Variants in KCNMB2 observed in about 807,000 individuals in gnomAD.
KCNMB2 encodes the protein potassium calcium-activated channel subfamily M regulatory beta subunit 2, also known as calcium-activated potassium channel subunit beta-2.
In KCNMB2, 9 loss-of-function variants were observed where a neutral mutation model predicts 24.5. That is an observed-to-expected ratio of 0.37 (90% CI 0.22 to 0.64). The LOEUF is 0.64. Ranked by LOEUF, KCNMB2 falls within the 30% of genes least tolerant of loss-of-function variation. The pLI is 0.63. For synonymous variants in KCNMB2, 109 were observed against 104.4 expected (o/e 1.04, Z -0.27); for missense variants, 226 against 284.3 (o/e 0.79, Z 1.47).
At chr3:178,774,937 T>C (rs1346992924) in intron 1 of KCNMB2, among the ~76,000 whole-genome samples, 1 of 152,222 alleles carries the variant, frequency 6.6e-6, no homozygotes, top group Non-Finnish European at 1.5e-5. Context: ...TAGAAGCTCT[T>C]CTGTGAGGTT....
At chr3:178,573,382 G>A (rs1716875392) in intron 1 of KCNMB2, among the ~76,000 whole-genome samples, 1 of 152,078 alleles carries the variant, frequency 6.6e-6, no homozygotes, top group South Asian at 2.1e-4. Flanking sequence ...ATTAATAAGT[G>A]CAACCAGAGT....
intron 1 of KCNMB2, among the ~76,000 whole-genome samples, chr3:178,674,814 C>T (rs1027859378): frequency 6.6e-6 from 1 of 152,212 alleles, no homozygotes; most frequent in Non-Finnish European, 1.5e-5. Context: ...TCTCCCCTTG[C>T]TTGGCCCAGT....
intron 1 of KCNMB2, among the ~76,000 whole-genome samples, chr3:178,653,272 TA>T (rs1451124747): frequency 6.6e-6 from 1 of 152,162 alleles, no homozygotes; most frequent in Non-Finnish European, 1.5e-5. Flanking sequence ...TTTGCTAATA[TA>T]AAAATACTAA....
At chr3:178,673,867 A>C (rs1010836779) in intron 1 of KCNMB2, among the ~76,000 whole-genome samples, 3 of 152,030 alleles carry the variant, frequency 2.0e-5, no homozygotes, top group Non-Finnish European at 4.4e-5. Flanking sequence ...CTACACTCTC[A>C]CCAATTCTTT....
intron 1 of KCNMB2, among the ~76,000 whole-genome samples, chr3:178,635,582 A>G (rs1299177549): frequency 6.6e-6 from 1 of 152,234 alleles, no homozygotes; most frequent in Non-Finnish European, 1.5e-5. Context: ...GTCATTTGGC[A>G]TCTTGCCACA....
chr3:178,759,042 GATATATATATATAT>G (rs1175571508), intron 1 of KCNMB2, among the ~76,000 whole-genome samples: 2 of 298 alleles, frequency 6.7e-3, no homozygotes, highest in African/African-American at 0.028. Flanking sequence ...CTCCAAGAGG[GATATATATATATAT>G]ATATATATAT....
In KCNMB2 at chr3:178,652,914, C is replaced by T. The variant is rs138543959; in HGVS notation, c.-68+116203C>T. ...CTGACCCCAGGTGATCCACCTGCCT[C>T]GGCCTCCCAAAGTGCTGAGATTACA... On this transcript the variant is annotated intron_variant, in intron 1 of 4. Transcript: ENST00000452583. Among the ~76,000 whole-genome samples, 114 of 152,176 alleles carry T rather than the reference C, an allele frequency of 7.5e-4. 2 individuals are homozygous for T. In the East Asian group the frequency reaches 0.016, roughly 21 times the overall value.
intron 1 of KCNMB2, among the ~76,000 whole-genome samples, chr3:178,766,356 GTTATTTTT>G (rs942284876): frequency 6.6e-6 from 1 of 152,014 alleles, no homozygotes; most frequent in African/African-American, 2.4e-5. Context: ...ACTACACCTG[GTTATTTTT>G]TTATTTTTTT....
intron 1 of KCNMB2, among the ~76,000 whole-genome samples, chr3:178,796,619 A>T (rs1713553910): frequency 2.6e-5 from 4 of 152,206 alleles, no homozygotes; most frequent in Non-Finnish European, 5.9e-5. Flanking sequence ...AACTATACAA[A>T]TGTATGGAAA....
chr3:178,811,652 A>G (rs1714198078), intron 2 of KCNMB2, among the ~76,000 whole-genome samples: 1 of 152,146 alleles, frequency 6.6e-6, no homozygotes, highest in African/African-American at 2.4e-5. Flanking sequence ...TTCTTTTGTC[A>G]TTGCCAACAA....
chr3:178,593,928 A>G (rs1436856543), intron 1 of KCNMB2, among the ~76,000 whole-genome samples: 1 of 150,110 alleles, frequency 6.7e-6, no homozygotes, highest in African/African-American at 2.5e-5. Context: ...CTAAGCTTTT[A>G]TCTCTAATCA....
At chr3:178,555,404 A>G (rs184896396) in intron 1 of KCNMB2, among the ~76,000 whole-genome samples, 140 of 152,336 alleles carry the variant, frequency 9.2e-4, no homozygotes, top group Admixed American at 1.6e-3. Flanking sequence ...TAGCTGTGTC[A>G]TCTTGGGCAA....
intron 1 of KCNMB2, among the ~76,000 whole-genome samples, chr3:178,743,342 T>C (rs1195201318): frequency 1.3e-5 from 2 of 152,202 alleles, no homozygotes; most frequent in Middle Eastern, 3.2e-3. Context: ...TAACCTATCA[T>C]GGCCATTGCA....
At chr3:178,729,963 C>T (rs1723090570) in intron 1 of KCNMB2, among the ~76,000 whole-genome samples, 1 of 152,174 alleles carries the variant, frequency 6.6e-6, no homozygotes, top group South Asian at 2.1e-4. Flanking sequence ...ATTGTAGTCA[C>T]TAAGCAGGAA....
intron 2 of KCNMB2, among the ~76,000 whole-genome samples, chr3:178,818,195 G>C (rs190155221): frequency 6.6e-6 from 1 of 152,254 alleles, no homozygotes; most frequent in Admixed American, 6.5e-5. Flanking sequence ...ACTACTTAAA[G>C]AGTCTCATTA....
chr3:178,633,232 T>C (rs7619083), intron 1 of KCNMB2, among the ~76,000 whole-genome samples: 105,017 of 152,002 alleles, frequency 0.69, 36,886 homozygotes, highest in African/African-American at 0.84. Flanking sequence ...GGTGGCCCTC[T>C]TCTCACAGAT....
At chr3:178,648,033 T>C (rs1471272408) in intron 1 of KCNMB2, among the ~76,000 whole-genome samples, 2 of 152,136 alleles carry the variant, frequency 1.3e-5, no homozygotes, top group Admixed American at 6.6e-5. Context: ...AACACTGAAT[T>C]AATCACATTT....
chr3:178,560,559 T>C (rs4857776), intron 1 of KCNMB2, among the ~76,000 whole-genome samples: 53,511 of 152,188 alleles, frequency 0.35, 10,637 homozygotes, highest in East Asian at 0.6. Context: ...CACACCTAGA[T>C]CAATCAACCA....
chr3:178,624,499 G>C (rs541736081), intron 1 of KCNMB2, among the ~76,000 whole-genome samples: 1 of 151,934 alleles, frequency 6.6e-6, no homozygotes, highest in South Asian at 2.1e-4. Flanking sequence ...TATTTATCAA[G>C]TGTGATCCAT....
Sources: allele counts gnomAD v4.1 joint callset (sites outside exome capture counted in the v4.1 genomes callset), GRCh38; gene constraint gnomAD v4.1.1; transcripts MANE v1.5; gene names NCBI Gene and HGNC (gene_info 2026-07-23, HGNC 2026-07-21).